The following AMPH variants were observed in gnomAD, a reference collection of about 807,000 sequenced individuals.
AMPH encodes the protein amphiphysin (Stiff-Mann syndrome with breast cancer 128kD autoantigen).
AMPH carries 49 observed loss-of-function variants against 99.1 expected under a neutral mutation model. The ratio of observed to expected loss-of-function variants is 0.49; its 90% CI spans 0.39 to 0.63. The LOEUF (loss-of-function observed/expected upper bound fraction) is 0.63. Ranked by LOEUF, AMPH falls within the 20% of genes least tolerant of loss-of-function variation. AMPH has a pLI of 0.00. For synonymous variants in AMPH, 314 were observed against 317.3 expected (o/e 0.99, Z 0.11); for missense variants, 759 against 863.4 (o/e 0.88, Z 1.52).
At chr7:38,576,064 A>T (rs1228612696) in intron 1 of AMPH, among the ~76,000 whole-genome samples, 4 of 152,214 alleles carry the variant, frequency 2.6e-5, no homozygotes, top group Non-Finnish European at 5.9e-5. Context: ...TAGACTGCCT[A>T]GTGACTAGAG....
At chr7:38,435,250 C>T (rs1414209133) in intron 12 of AMPH, among the ~76,000 whole-genome samples, 2 of 152,154 alleles carry the variant, frequency 1.3e-5, no homozygotes, top group Non-Finnish European at 2.9e-5. Flanking sequence ...AACAGGAAAG[C>T]CTTTAGAAGC....
At chr7:38,453,764 G>A (rs928757402) in intron 11 of AMPH, among the ~76,000 whole-genome samples, 2 of 152,210 alleles carry the variant, frequency 1.3e-5, no homozygotes, top group African/African-American at 2.4e-5. Context: ...AAGGCTTCTA[G>A]GTGACCAAAG....
intron 2 of AMPH, among the ~76,000 whole-genome samples, chr7:38,507,199 A>AG (rs1199559238): frequency 1.3e-5 from 2 of 151,152 alleles, no homozygotes; most frequent in Admixed American, 6.6e-5. Flanking sequence ...AACACTGCAG[A>AG]GTTTTTTTTT....
At chr7:38,620,304 A>G (rs752894089) in intron 1 of AMPH, among the ~76,000 whole-genome samples, 14 of 150,678 alleles carry the variant, frequency 9.3e-5, no homozygotes, top group Non-Finnish European at 8.9e-5. Flanking sequence ...ACCCCCGTGT[A>G]CATTATATAC....
rs543442948 is a variant in AMPH at position 38,384,766 on chromosome 7, A to G, written c.*52T>C. On this transcript the variant is annotated 3_prime_UTR_variant, in exon 21 of 21. Coordinates refer to ENST00000356264, the MANE Select transcript of AMPH (RefSeq NM_001635.4). ...ACAAAAGTGAACTCTTCAGGTTTTC[A>G]TGAAGGTTTAAAAACCCCGTAACTG... 1 of 1,452,118 alleles carries G rather than the reference A, an allele frequency of 6.9e-7. No homozygotes were observed. The highest frequency in any genetic ancestry group is 2.3e-5 in the East Asian group (1 of 43,620). The allele number at this position is 1,452,118 out of a possible 1,614,324, so 90.0% of individuals were successfully genotyped here. A position where few individuals can be genotyped will look rare whatever the true frequency, so the allele number is the denominator to read the frequency against.
At chr7:38,458,458 T>A (rs959264345) in intron 11 of AMPH, among the ~76,000 whole-genome samples, 3 of 152,110 alleles carry the variant, frequency 2.0e-5, no homozygotes, top group African/African-American at 7.2e-5. Context: ...GCAAAAATCC[T>A]TAACAAAATA....
chr7:38,526,027 G>A (rs545708245), intron 2 of AMPH, among the ~76,000 whole-genome samples: 12 of 152,228 alleles, frequency 7.9e-5, no homozygotes, highest in African/African-American at 2.9e-4. Flanking sequence ...TAGCCAAACT[G>A]TTTCCCACAG....
At chr7:38,465,405 C>T in intron 9 of AMPH, 62 bp downstream of exon 9, 1 of 1,430,852 alleles carries the variant, frequency 7.0e-7, no homozygotes, top group Non-Finnish European at 9.6e-7. Context: ...CAGGCTGGTC[C>T]ACAGATTGAA....
chr7:38,497,889 T>A (rs1169787950), intron 3 of AMPH, among the ~76,000 whole-genome samples: 1 of 152,140 alleles, frequency 6.6e-6, no homozygotes, highest in Non-Finnish European at 1.5e-5. Flanking sequence ...ATAAGACACA[T>A]AAATGAAGAA....
At chr7:38,443,986 G>C (rs1282878696) in intron 11 of AMPH, among the ~76,000 whole-genome samples, 1 of 151,990 alleles carries the variant, frequency 6.6e-6, no homozygotes, top group African/African-American at 2.4e-5. Flanking sequence ...ATTCAGTTTA[G>C]CAAAGCTGCA....
At chr7:38,391,687 G>C (rs781427682) in intron 19 of AMPH, 61 bp downstream of exon 19, 2 of 1,547,852 alleles carry the variant, frequency 1.3e-6, no homozygotes, top group African/African-American at 1.4e-5. Context: ...AAAACCAAAG[G>C]CTTGAGCAAA....
chr7:38,448,959 T>C (rs1040506004), intron 11 of AMPH, among the ~76,000 whole-genome samples: 1 of 152,188 alleles, frequency 6.6e-6, no homozygotes, highest in Non-Finnish European at 1.5e-5. Flanking sequence ...GTTTTGTTCA[T>C]TGCTTTTACA....
At chr7:38,594,412 T>C (rs538725557) in intron 1 of AMPH, among the ~76,000 whole-genome samples, 2 of 152,310 alleles carry the variant, frequency 1.3e-5, no homozygotes, top group South Asian at 4.1e-4. Context: ...GACAGCAACC[T>C]ACACTGACTG....
At chr7:38,612,732 T>C (rs997840979) in intron 1 of AMPH, among the ~76,000 whole-genome samples, 1 of 152,158 alleles carries the variant, frequency 6.6e-6, no homozygotes, top group Non-Finnish European at 1.5e-5. Context: ...TCTGTCCCCA[T>C]CTGCAGTTCT....
intron 16 of AMPH, 100 bp downstream of exon 16, chr7:38,422,309 TCCAGAAACCACA>T (rs1785606815): frequency 2.3e-6 from 2 of 867,306 alleles, no homozygotes; most frequent in South Asian, 3.3e-5. Context: ...AAGTACAGGA[TCCAGAAACCACA>T]TTCTGGATAT....
intron 13 of AMPH, among the ~76,000 whole-genome samples, chr7:38,431,428 C>A (rs113642065): frequency 1.6e-4 from 25 of 152,212 alleles, no homozygotes; most frequent in African/African-American, 5.5e-4. Flanking sequence ...GAGGCCGAGG[C>A]GGGCAGATCA....
In AMPH at chr7:38,466,224, A is replaced by T. The variant is rs201410312; in HGVS notation, c.615T>A (p.Thr205=). ...WSRRVGFYVN[T]FKNVSSLEAK... is the part of the protein sequence containing the mutation. Reference sequence around the variant, plus strand: ...CTTCAAGGCTGGAGACGTTTTTGAAAGTATTAACATAAAATCCAACTCGTC... The same window carrying T: ...CTTCAAGGCTGGAGACGTTTTTGAATGTATTAACATAAAATCCAACTCGTC... Residue 205 remains threonine (T), a synonymous_variant, in exon 8 of 21, where the codon ACT becomes ACA. Coordinates refer to ENST00000356264, the MANE Select transcript of AMPH (RefSeq NM_001635.4). 5 of 1,597,438 alleles carry T rather than the reference A, an allele frequency of 3.1e-6. No homozygotes were observed. The highest frequency in any genetic ancestry group is 4.3e-6 in the Non-Finnish European group (5 of 1,175,498).
intron 11 of AMPH, among the ~76,000 whole-genome samples, chr7:38,437,011 C>T (rs906502532): frequency 2.6e-5 from 4 of 152,142 alleles, no homozygotes; most frequent in Non-Finnish European, 5.9e-5. Flanking sequence ...GAGAGACAGC[C>T]ATGCCTCCCA....
chr7:38,425,602 T>C (rs2128990591), intron 15 of AMPH, among the ~76,000 whole-genome samples: 1 of 152,276 alleles, frequency 6.6e-6, no homozygotes, highest in African/African-American at 2.4e-5. Context: ...ATGGCTTTGA[T>C]GGAACTCTAT....
Sources: allele counts gnomAD v4.1 joint callset (sites outside exome capture counted in the v4.1 genomes callset), GRCh38; gene constraint gnomAD v4.1.1; transcripts MANE v1.5; gene names NCBI Gene and HGNC (gene_info 2026-07-23, HGNC 2026-07-21).